ALDH3A2: variants seen among roughly 807,000 people sequenced by gnomAD.
The protein encoded by ALDH3A2 is aldehyde dehydrogenase 3 family member A2.
A neutral mutation model predicts 51.3 loss-of-function variants in ALDH3A2; 36 were observed. That is an observed-to-expected ratio of 0.70 (90% CI 0.54 to 0.93). ALDH3A2 has a LOEUF of 0.93. Ranked by LOEUF, ALDH3A2 falls within the 40% of genes least tolerant of loss-of-function variation. The pLI, the probability that ALDH3A2 is intolerant of heterozygous loss-of-function variation, is 0.00. For missense variants in ALDH3A2, 552 were observed against 603.1 expected (o/e 0.92, Z 0.89); for synonymous variants, 199 against 219.8 (o/e 0.91, Z 0.84).
chr17:19,660,994 C>A, intron 5 of ALDH3A2, 133 bp from the exon 6 acceptor site: 1 of 885,582 alleles, frequency 1.1e-6, no homozygotes. Context: ...TGTTAAATTA[C>A]TTGAGGGGTG....
At chr17:19,668,558 T>C (rs2085069892) in intron 8 of ALDH3A2, among the ~76,000 whole-genome samples, 1 of 152,110 alleles carries the variant, frequency 6.6e-6, no homozygotes, top group African/African-American at 2.4e-5. Flanking sequence ...TAAGCCTGTG[T>C]GGCTTTTTGT....
intron 1 of ALDH3A2, among the ~76,000 whole-genome samples, chr17:19,650,537 T>A (rs2084801476): frequency 1.3e-5 from 2 of 152,014 alleles, no homozygotes; most frequent in African/African-American, 4.8e-5. Flanking sequence ...CACTGCAAGC[T>A]CCACCTCCCG....
intron 3 of ALDH3A2, among the ~76,000 whole-genome samples, chr17:19,653,569 C>G (rs941763269): frequency 6.6e-6 from 1 of 151,348 alleles, no homozygotes. Flanking sequence ...GGCGGCGCAT[C>G]TGGAGTTGTT....
intron 3 of ALDH3A2, among the ~76,000 whole-genome samples, chr17:19,653,709 G>A (rs1198806128): frequency 6.6e-6 from 1 of 152,192 alleles, no homozygotes; most frequent in African/African-American, 2.4e-5. Flanking sequence ...AGAGTGAGCA[G>A]CAGCAGCAAG....
At position 19,656,369 on chromosome 17, in the gene ALDH3A2, C is replaced by T; in HGVS notation, c.475C>T (p.Leu159Phe). The change falls in exon 4 of 10, where the codon CTC (leucine) becomes TTC (phenylalanine). Residue 159 changes from leucine (L) to phenylalanine (F), a missense_variant. Leu to Phe is a conservative substitution (Grantham distance 22). Coordinates refer to ENST00000176643, the MANE Select transcript of ALDH3A2 (RefSeq NM_000382.3). ...TTTGTGTTTCTCTTTCTTTGAGGATCTCTATATTGTTATTAATGGTGGTGT... is the reference window on the plus strand; with the variant it reads ...TTTGTGTTTCTCTTTCTTTGAGGATTTCTATATTGTTATTAATGGTGGTGT... ...KLLPQYLDQD[L>F]YIVINGGVEE... The T allele has an allele frequency of 6.2e-7, 1 of 1,612,990 alleles. No homozygotes were observed. Among genetic ancestry groups the T allele is most frequent in the Non-Finnish European group, 8.5e-7 (1 of 1,179,088 alleles).
Position 19,656,479 on chromosome 17 carries a change from A to T in ALDH3A2, c.585A>T (p.Glu195Asp), listed in dbSNP as rs771277873. 2 of 1,614,170 alleles carry T rather than the reference A, an allele frequency of 1.2e-6. No homozygotes were observed. Among genetic ancestry groups the T allele is most frequent in the South Asian group, 2.2e-5 (2 of 91,072 alleles). The change falls in exon 4 of 10, where the codon GAA becomes GAT. Residue 195 changes from glutamate to aspartate, a missense_variant. Coordinates refer to ENST00000176643, the MANE Select transcript of ALDH3A2 (RefSeq NM_000382.3). ...CTGCGGTTGGCAAAATTGTCATGGA[A>T]GCTGCTGCCAAGCATCTGACCCCTG... The part of the protein sequence containing the change: ...GNTAVGKIVM[E>D]AAAKHLTPVT...
At chr17:19,673,556 A>G (rs1434093346) in intron 9 of ALDH3A2, among the ~76,000 whole-genome samples, 2 of 151,822 alleles carry the variant, frequency 1.3e-5, no homozygotes, top group Non-Finnish European at 2.9e-5. Flanking sequence ...CATCTCTACT[A>G]AAAATACAAA....
At chr17:19,675,493 A>G in intron 9 of ALDH3A2, 65 bp from the exon 10 acceptor site, 1 of 1,547,174 alleles carries the variant, frequency 6.5e-7, no homozygotes, top group Non-Finnish European at 8.9e-7. Flanking sequence ...CTTGTGTTGC[A>G]AGGCTGGTTG....
At chr17:19,671,353 C>T (rs773625137) in intron 8 of ALDH3A2, among the ~76,000 whole-genome samples, 1 of 152,126 alleles carries the variant, frequency 6.6e-6, no homozygotes, top group Non-Finnish European at 1.5e-5. Flanking sequence ...GTTAACTGAC[C>T]CTGTAAGCTC....
intron 9 of ALDH3A2, 68 bp downstream of exon 9, chr17:19,672,024 C>A: frequency 7.4e-7 from 1 of 1,349,868 alleles, no homozygotes; most frequent in South Asian, 1.2e-5. Context: ...GATGCATATT[C>A]TAGCAGGACT....
rs1474106745 is a variant in ALDH3A2, at chr17:19,648,990, C to G, written c.19C>G (p.Arg7Gly). The G allele has an allele frequency of 2.5e-6, 4 of 1,586,648 alleles. No individual in the cohort carries two copies. The highest frequency in any genetic ancestry group is 3.4e-6 in the Non-Finnish European group (4 of 1,167,372). ...CCAGGCCATGGAGCTCGAAGTCCGG[C>G]GGGTCCGACAGGCGTTCCTGTCCGG... MELEVR[R>G]VRQAFLSGRS... Residue 7 changes from arginine to glycine, a missense_variant, in exon 1 of 10, where the codon CGG becomes GGG. Arg to Gly is a moderately radical substitution (Grantham distance 125). Coordinates refer to ENST00000176643, the MANE Select transcript of ALDH3A2 (RefSeq NM_000382.3).
chr17:19,650,056 C>G (rs1194982126), intron 1 of ALDH3A2: 1 of 152,186 alleles, frequency 6.6e-6, no homozygotes, highest in Non-Finnish European at 1.5e-5. Flanking sequence ...GGATTACAGG[C>G]GTGCGCCACC....
chr17:19,649,267 G>C, intron 1 of ALDH3A2, 143 bp downstream of exon 1: 1 of 1,187,778 alleles, frequency 8.4e-7, no homozygotes, highest in Non-Finnish European at 1.2e-6. Flanking sequence ...TACAGATAAA[G>C]CCAAAGTTCC....
intron 6 of ALDH3A2, among the ~76,000 whole-genome samples, 191 bp from the exon 7 acceptor site, chr17:19,663,142 G>A (rs867064805): frequency 9.2e-5 from 14 of 152,316 alleles, no homozygotes; most frequent in South Asian, 4.1e-4. Context: ...GTATCCGCAG[G>A]GTTGTGATTC....
intron 5 of ALDH3A2, among the ~76,000 whole-genome samples, chr17:19,660,044 A>G (rs1286031118): frequency 1.3e-5 from 2 of 152,024 alleles, no homozygotes; most frequent in Non-Finnish European, 2.9e-5. Flanking sequence ...GTATGTGGGA[A>G]GAGAGAGTGG....
intron 1 of ALDH3A2, among the ~76,000 whole-genome samples, chr17:19,651,246 G>A (rs1337959945): frequency 1.3e-5 from 2 of 152,130 alleles, no homozygotes; most frequent in Non-Finnish European, 1.5e-5. Context: ...TCCTGAAAGA[G>A]GTAATATTTA....
chr17:19,651,855 G>A, intron 2 of ALDH3A2, 77 bp downstream of exon 2: 4 of 1,325,576 alleles, frequency 3.0e-6, no homozygotes, highest in Non-Finnish European at 4.3e-6. Flanking sequence ...TAAGGATAGT[G>A]GCTAATTAAA....
intron 9 of ALDH3A2, chr17:19,674,832 T>C (rs1391284823): frequency 1.3e-5 from 2 of 152,258 alleles, no homozygotes; most frequent in African/African-American, 4.8e-5. Flanking sequence ...CTGAATAGTC[T>C]ATTTATTGTA....
chr17:19,663,270 G>A (rs1340810904), intron 6 of ALDH3A2, 63 bp from the exon 7 acceptor site: 2 of 1,565,204 alleles, frequency 1.3e-6, no homozygotes, highest in African/African-American at 2.7e-5. Context: ...TGAAAGAGAT[G>A]TAATATGAGA....
Sources: allele counts gnomAD v4.1 joint callset (sites outside exome capture counted in the v4.1 genomes callset), GRCh38; gene constraint gnomAD v4.1.1; transcripts MANE v1.5; gene names NCBI Gene and HGNC (gene_info 2026-07-23, HGNC 2026-07-21).